COL4A6: variants seen among roughly 807,000 people sequenced by gnomAD.
COL4A6 encodes collagen type IV alpha 6 chain.
COL4A6 carries 59 observed loss-of-function variants against 126.7 expected under a neutral mutation model. The observed-to-expected ratio is 0.47, with a 90% CI of 0.38 to 0.58. The LOEUF is 0.58. Among genes scored for constraint, COL4A6 ranks in the 20% least tolerant of loss-of-function variants. The pLI is 0.00. For synonymous variants in COL4A6, 547 were observed against 496.6 expected, an observed-to-expected ratio of 1.10 and a Z score of -1.35; for missense variants, 1,285 against 1,337.3, an observed-to-expected ratio of 0.96 and a Z score of 0.61.
intron 2 of COL4A6, among the ~76,000 whole-genome samples, chrX:108,425,733 AACACACACACACAC>A (rs752707988): frequency 1.1e-5 from 1 of 90,582 alleles, no homozygotes; most frequent in Non-Finnish European, 2.3e-5. Context: ...CACACACACA[AACACACACACACAC>A]ACACACACAC....
At chrX:108,408,465 C>T (rs890562900) in intron 2 of COL4A6, among the ~76,000 whole-genome samples, 2 of 111,367 alleles carry the variant, frequency 1.8e-5, no homozygotes, top group Non-Finnish European at 3.8e-5. Flanking sequence ...CTTATTAAAA[C>T]GACAAAAAAT....
intron 23 of COL4A6, among the ~76,000 whole-genome samples, chrX:108,185,422 A>G (rs184486103): frequency 9.2e-6 from 1 of 108,447 alleles, no homozygotes; most frequent in Admixed American, 9.8e-5. Context: ...TGTCCTTACA[A>G]CCTTCACAAT....
At chrX:108,329,720 G>A (rs1344465818) in intron 2 of COL4A6, among the ~76,000 whole-genome samples, 1 of 111,696 alleles carries the variant, frequency 9.0e-6, no homozygotes, top group East Asian at 2.8e-4. Context: ...GTACATGGGA[G>A]GAGTTTCATT....
At chrX:108,316,929 C>G (rs183069498) in intron 2 of COL4A6, among the ~76,000 whole-genome samples, 2 of 111,839 alleles carry the variant, frequency 1.8e-5, no homozygotes, top group Admixed American at 1.9e-4. Context: ...TTTCATAGAC[C>G]AATGTAAGAG....
chrX:108,181,123 C>T (rs1376725913), intron 23 of COL4A6, among the ~76,000 whole-genome samples, 155 bp from the exon 24 acceptor site: 1 of 112,417 alleles, frequency 8.9e-6, no homozygotes, highest in Non-Finnish European at 1.9e-5. Context: ...GCATCATTAG[C>T]TCTGGGGAGT....
chrX:108,262,885 T>C (rs1262818195), intron 3 of COL4A6, among the ~76,000 whole-genome samples: 1 of 111,651 alleles, frequency 9.0e-6, no homozygotes, highest in Admixed American at 9.5e-5. Flanking sequence ...TACATTTCAT[T>C]TGATTATTTT....
intron 2 of COL4A6, among the ~76,000 whole-genome samples, chrX:108,343,161 A>AGTGTGTGTG (rs1465580768): frequency 9.0e-5 from 5 of 55,596 alleles, no homozygotes; most frequent in African/African-American, 3.4e-4. Flanking sequence ...ATATATATAT[A>AGTGTGTGTG]TATAGTGTGT....
rs1003336003 is a variant in COL4A6 at position 108,214,197 on chromosome X, G to A, written c.356C>T (p.Pro119Leu). The change falls in exon 6 of 45, where the codon CCA becomes CTA. Residue 119 changes from proline to leucine, a missense_variant. Transcript: ENST00000334504. ...TCCATTACAGCCATCCAGACCAGGT[G>A]GGCCTCTGGGGCCTGGTTGTCCAGG... ...GHPGQPGPRG[P>L]PGLDGCNGTQ... The A allele has an allele frequency of 3.1e-5, 37 of 1,204,686 alleles. No homozygotes were observed. Among genetic ancestry groups the A allele is most frequent in the Non-Finnish European group, 4.0e-5 (36 of 892,642 alleles).
chrX:108,369,160 A>G (rs1250958399), intron 2 of COL4A6, among the ~76,000 whole-genome samples: 1 of 111,714 alleles, frequency 9.0e-6, no homozygotes, highest in Non-Finnish European at 1.9e-5. Context: ...ACCAACACAT[A>G]AAGAATGTGT....
At chrX:108,277,032 G>A (rs931089655) in intron 3 of COL4A6, among the ~76,000 whole-genome samples, 4 of 112,164 alleles carry the variant, frequency 3.6e-5, no homozygotes, top group African/African-American at 1.3e-4. Flanking sequence ...GAAGATGGCC[G>A]AATAGGAACA....
chrX:108,172,275 G>A (rs1489146774), intron 32 of COL4A6, among the ~76,000 whole-genome samples, 194 bp downstream of exon 32: 3 of 106,687 alleles, frequency 2.8e-5, no homozygotes, highest in East Asian at 2.9e-4. Flanking sequence ...GCTTGAACCC[G>A]GGAGGCAGAG....
At position 108,165,052 on chromosome X, in the gene COL4A6, C is replaced by T. The variant is rs192754010; in HGVS notation, c.3809-14G>A. 6.0e-4 allele frequency: 719 copies of T among 1,196,273 alleles called. 3 individuals are homozygous for T. The East Asian group carries it at 0.016, about 26-fold the overall frequency. ...GGCCTGGGCGGCCTAGGGATAAGAT[C>T]GGAAGAGGGGCGAGGGGCAGGTGAA... On this transcript the variant is annotated splice_polypyrimidine_tract_variant and intron_variant, in intron 38 of 44. Coordinates refer to ENST00000334504, the MANE Select transcript of COL4A6 (RefSeq NM_033641.4).
At chrX:108,197,009 C>T (rs2035240404) in intron 13 of COL4A6, among the ~76,000 whole-genome samples, 1 of 111,930 alleles carries the variant, frequency 8.9e-6, no homozygotes. Flanking sequence ...GATGATTTGA[C>T]CCACAAATGG....
Position 108,155,844 on chromosome X carries a change from C to T in COL4A6, c.*1156G>A, listed in dbSNP as rs934389475. ...AAAGAAAATGGCTAAAACAAATTCCCCCAAACAGAATACAATGTACTGCAT... is the reference window on the plus strand; with the variant it reads ...AAAGAAAATGGCTAAAACAAATTCCTCCAAACAGAATACAATGTACTGCAT... On this transcript the variant is annotated 3_prime_UTR_variant, in exon 45 of 45. Coordinates refer to ENST00000334504, the MANE Select transcript of COL4A6 (RefSeq NM_033641.4). 1 of 111,775 alleles carries T rather than the reference C, an allele frequency of 8.9e-6. No individual in the cohort carries two copies. The highest frequency in any genetic ancestry group is 3.8e-4 in the South Asian group (1 of 2,654). 9.2% of individuals were successfully genotyped at this position (111,775 alleles called of 1,213,427 possible).
At chrX:108,297,787 A>G (rs1432207194) in intron 3 of COL4A6, among the ~76,000 whole-genome samples, 2 of 110,404 alleles carry the variant, frequency 1.8e-5, no homozygotes, top group East Asian at 5.7e-4. Flanking sequence ...ACTCAAAGAT[A>G]TTTTTGTTTG....
At chrX:108,372,923 T>C (rs768656941) in intron 2 of COL4A6, among the ~76,000 whole-genome samples, 3 of 112,287 alleles carry the variant, frequency 2.7e-5, no homozygotes, top group Non-Finnish European at 5.6e-5. Flanking sequence ...GAAATCACAA[T>C]CACAACTAAG....
intron 2 of COL4A6, among the ~76,000 whole-genome samples, chrX:108,358,561 AT>A (rs2040008327): frequency 9.1e-6 from 1 of 109,933 alleles, no homozygotes; most frequent in Admixed American, 9.7e-5. Flanking sequence ...CACCTGGCTA[AT>A]TTTTGTATTT....
chrX:108,345,093 G>A (rs999727635), intron 2 of COL4A6, among the ~76,000 whole-genome samples: 3 of 111,282 alleles, frequency 2.7e-5, no homozygotes, highest in Non-Finnish European at 5.7e-5. Flanking sequence ...GAATCTCAAC[G>A]TAGGGTTTTA....
intron 12 of COL4A6, among the ~76,000 whole-genome samples, 191 bp downstream of exon 12, chrX:108,204,129 A>T (rs1442161538): frequency 8.9e-6 from 1 of 111,992 alleles, no homozygotes; most frequent in African/African-American, 3.2e-5. Context: ...CAAGAAACAT[A>T]CTCAGCCTTT....
Sources: allele counts gnomAD v4.1 joint callset (sites outside exome capture counted in the v4.1 genomes callset), GRCh38; gene constraint gnomAD v4.1.1; transcripts MANE v1.5; gene names NCBI Gene and HGNC (gene_info 2026-07-23, HGNC 2026-07-21).